The following COL23A1 variants were observed in gnomAD, a reference collection of about 807,000 sequenced individuals.
The protein encoded by COL23A1 is collagen alpha-1(XXIII) chain.
A neutral mutation model predicts 99.3 loss-of-function variants in COL23A1; 97 were observed. That is an observed-to-expected ratio of 0.98 (90% CI 0.83 to 1.16). COL23A1 has a LOEUF of 1.16. Ranked by LOEUF, COL23A1 falls within the 50% of genes most tolerant of loss-of-function variation. The probability of loss-of-function intolerance (pLI) is 0.00; values close to 1 mark genes in which losing one functional copy is unlikely to be tolerated. For synonymous variants in COL23A1, 320 were observed against 308.2 expected (o/e 1.04, Z -0.40); for missense variants, 762 against 757.4 (o/e 1.01, Z -0.07).
intron 2 of COL23A1, among the ~76,000 whole-genome samples, chr5:178,551,130 A>AGATATATATT (rs1397917208): frequency 1.8e-4 from 5 of 28,340 alleles, no homozygotes; most frequent in African/African-American, 3.1e-4. Flanking sequence ...AGTAATTTTA[A>AGATATATATT]AATATATATT....
chr5:178,586,305 C>T (rs753468681), intron 1 of COL23A1, among the ~76,000 whole-genome samples: 4 of 152,138 alleles, frequency 2.6e-5, no homozygotes, highest in African/African-American at 4.8e-5. Context: ...GAGCTGTGAC[C>T]ACACTATCAG....
At chr5:178,266,150 C>T (rs999566979) in intron 8 of COL23A1, among the ~76,000 whole-genome samples, 1 of 152,154 alleles carries the variant, frequency 6.6e-6, no homozygotes, top group African/African-American at 2.4e-5. Context: ...AAGCAATTCT[C>T]TTGCCTCAGC....
In COL23A1 at chr5:178,572,128, A is replaced by G. The variant is rs186973903; in HGVS notation, c.295-11380T>C. Among the ~76,000 whole-genome samples, 56 of 151,964 alleles carry G rather than the reference A, an allele frequency of 3.7e-4. 1 individual carries two copies. Among genetic ancestry groups the G allele is most frequent in the African/African-American group, 1.3e-3 (55 of 41,434 alleles). On this transcript the variant is annotated intron_variant, in intron 1 of 28. Coordinates refer to ENST00000390654, the MANE Select transcript of COL23A1 (RefSeq NM_173465.4). Reference sequence around the variant, plus strand: ...AGAGATGAAAACTACCAGGTCTGAGATGAAAAATATGATGGAAGGGATTAA... The same window carrying G: ...AGAGATGAAAACTACCAGGTCTGAGGTGAAAAATATGATGGAAGGGATTAA...
At chr5:178,582,782 C>T (rs1207101997) in intron 1 of COL23A1, among the ~76,000 whole-genome samples, 1 of 152,218 alleles carries the variant, frequency 6.6e-6, no homozygotes, top group African/African-American at 2.4e-5. Flanking sequence ...TCCCCAGACT[C>T]CCCAACCAGG....
At chr5:178,429,639 G>T (rs971021687) in intron 2 of COL23A1, among the ~76,000 whole-genome samples, 3 of 152,112 alleles carry the variant, frequency 2.0e-5, no homozygotes, top group Non-Finnish European at 4.4e-5. Context: ...TGGTCTTCCT[G>T]GTGAGGCTGC....
intron 2 of COL23A1, among the ~76,000 whole-genome samples, chr5:178,343,661 ATATT>A (rs1182589230): frequency 3.5e-4 from 5 of 14,214 alleles, no homozygotes; most frequent in African/African-American, 8.2e-4. Context: ...TTATATATAT[ATATT>A]TTTTTTTTTT....
In COL23A1 at chr5:178,306,912, AG is replaced by A; in HGVS notation, c.368del (p.Pro123LeufsTer186). 4.5e-6 allele frequency: 7 copies of A among 1,538,972 alleles called. No homozygotes were observed. Among genetic ancestry groups the A allele is most frequent in the South Asian group, 1.2e-5 (1 of 81,646 alleles). On this transcript the variant is annotated frameshift_variant, in exon 3 of 29. Coordinates refer to ENST00000390654, the MANE Select transcript of COL23A1 (RefSeq NM_173465.4). LOFTEE classifies it high-confidence loss of function. This position sits in a 1 kb window ranked among gnomAD's most constrained non-coding sequence, Gnocchi z 4.1. ...TTCTCCCAGGCTTGCCGCGCCGTCC[AG>A]GGGGCCCTAGACAGGAAAACAAGAA... ...PSECVCPPGP[P>X]GRRGKPGRRG...
At chr5:178,253,982 G>A (rs1313111768) in intron 16 of COL23A1, among the ~76,000 whole-genome samples, 2 of 151,412 alleles carry the variant, frequency 1.3e-5, no homozygotes, top group East Asian at 2.0e-4. Flanking sequence ...CGGCCAACAT[G>A]GTGAAACCCC....
Position 178,248,251 on chromosome 5 carries a change from C to T in COL23A1, c.1153G>A (p.Ala385Thr), listed in dbSNP as rs1253792479. ...CCCTTCTCCCCCTTGAGGCCGTCAG[C>T]GCCCTGCAGGACGGCAATGGCCTGT... ...GEMGLSGLPG[A>T]DGLKGEKGES... is the part of the protein sequence containing the mutation. The change falls in exon 20 of 29, where the codon GCT (alanine) becomes ACT (threonine). Residue 385 changes from alanine (A) to threonine (T), a missense_variant. By Grantham distance (58) the Ala-to-Thr change is moderately conservative. Transcript: ENST00000390654. The T allele has an allele frequency of 3.1e-6, 5 of 1,609,022 alleles. No individual in the cohort carries two copies. Among genetic ancestry groups the T allele is most frequent in the South Asian group, 1.1e-5 (1 of 90,464 alleles).
chr5:178,483,854 G>A (rs1177539078), intron 2 of COL23A1, among the ~76,000 whole-genome samples: 4 of 152,256 alleles, frequency 2.6e-5, no homozygotes, highest in Non-Finnish European at 5.9e-5. Flanking sequence ...ACAAAGAAAA[G>A]GGATGTACAC....
At chr5:178,409,011 C>CACACACAG (rs1561946071) in intron 2 of COL23A1, among the ~76,000 whole-genome samples, 2 of 145,144 alleles carry the variant, frequency 1.4e-5, no homozygotes, top group African/African-American at 5.3e-5. Flanking sequence ...CACACACACA[C>CACACACAG]ACACACACAC....
At chr5:178,560,538 A>G in intron 2 of COL23A1, 144 bp downstream of exon 2, 1 of 642,108 alleles carries the variant, frequency 1.6e-6, no homozygotes, top group Non-Finnish European at 2.7e-6. Context: ...GCCAGGGTCA[A>G]TGTGGGAAAG....
intron 2 of COL23A1, chr5:178,351,139 C>CGG (rs1327547796): frequency 2.6e-5 from 4 of 152,284 alleles, no homozygotes; most frequent in African/African-American, 7.2e-5. Context: ...GACACGGAGA[C>CGG]GGGCCTCTGA....
chr5:178,349,356 G>A (rs939495960), intron 2 of COL23A1, among the ~76,000 whole-genome samples: 1 of 152,168 alleles, frequency 6.6e-6, no homozygotes, highest in African/African-American at 2.4e-5. Context: ...GGCCCACTGC[G>A]GCGGGTGCCC....
At chr5:178,351,370 G>A (rs147041682) in intron 2 of COL23A1, among the ~76,000 whole-genome samples, 157 of 152,326 alleles carry the variant, frequency 1.0e-3, no homozygotes, top group Admixed American at 1.6e-3. Flanking sequence ...CTTTGGATGA[G>A]CAATAACGGG....
At chr5:178,558,794 C>CA (rs1271343197) in intron 2 of COL23A1, among the ~76,000 whole-genome samples, 3 of 144,724 alleles carry the variant, frequency 2.1e-5, no homozygotes, top group Non-Finnish European at 4.6e-5. Flanking sequence ...CAATTTCTGA[C>CA]TTTTTTTTTT....
At chr5:178,540,979 CTT>C (rs1261447545) in intron 2 of COL23A1, among the ~76,000 whole-genome samples, 1 of 152,158 alleles carries the variant, frequency 6.6e-6, no homozygotes, top group African/African-American at 2.4e-5. Context: ...GGCTGTTTAT[CTT>C]TTTTATTTTT....
At chr5:178,469,485 A>G (rs1416105427) in intron 2 of COL23A1, among the ~76,000 whole-genome samples, 2 of 151,970 alleles carry the variant, frequency 1.3e-5, no homozygotes, top group African/African-American at 4.8e-5. Flanking sequence ...TGAAACTCCA[A>G]TTCTGCAGGT....
At chr5:178,391,624 G>C (rs1210970365) in intron 2 of COL23A1, among the ~76,000 whole-genome samples, 2 of 152,182 alleles carry the variant, frequency 1.3e-5, no homozygotes, top group African/African-American at 4.8e-5. Flanking sequence ...CTCATCCATA[G>C]CTGGTGGGAA....
Sources: gnomAD v4.1 joint callset for allele counts (sites outside exome capture counted in the v4.1 genomes callset) on GRCh38, gnomAD v4.1.1 for gene constraint, Gnocchi (gnomAD v3.1) non-coding constraint, MANE v1.5 for transcripts, NCBI Gene and HGNC (gene_info 2026-07-23, HGNC 2026-07-21) for gene names.